Variants in INPP4A observed in about 807,000 individuals in gnomAD.
INPP4A encodes the protein inositol polyphosphate-4-phosphatase, type I, 107kD.
A neutral mutation model predicts 119.8 loss-of-function variants in INPP4A; 33 were observed. The ratio of observed to expected loss-of-function variants is 0.28; its 90% CI spans 0.21 to 0.37. The LOEUF is 0.37. Among genes scored for constraint, INPP4A ranks in the 10% least tolerant of loss-of-function variants. The probability of loss-of-function intolerance (pLI) is 1.00; values close to 1 mark genes in which losing one functional copy is unlikely to be tolerated. For synonymous variants in INPP4A, 496 were observed against 500.7 expected (o/e 0.99, Z 0.12); for missense variants, 956 against 1,289.9 (o/e 0.74, Z 3.97).
In INPP4A at chr2:98,451,638, C is replaced by T. The variant is rs750184881; in HGVS notation, c.-166+6553C>T. Among the ~76,000 whole-genome samples the T allele has an allele frequency of 4.6e-5, 7 of 152,242 alleles. No homozygotes were observed. In the South Asian group the frequency reaches 8.3e-4, roughly 18 times the overall value. Reference sequence around the variant, plus strand: ...TTTCCTGCCCCTCCCATAGCCCTCACGCAGGTGGTGTCAGCTGCTGTTATG... The same window carrying T: ...TTTCCTGCCCCTCCCATAGCCCTCATGCAGGTGGTGTCAGCTGCTGTTATG... On this transcript the variant is annotated intron_variant, in intron 1 of 24. Coordinates refer to ENST00000409851, the MANE Select transcript of INPP4A (RefSeq NM_001134225.2).
intron 4 of INPP4A, among the ~76,000 whole-genome samples, chr2:98,528,268 TAA>T (rs1288770645): frequency 6.6e-6 from 1 of 151,812 alleles, no homozygotes; most frequent in Non-Finnish European, 1.5e-5. Flanking sequence ...AAAAATTCAT[TAA>T]GAGAGGCTCA....
chr2:98,550,607 T>C (rs1354526477), intron 13 of INPP4A, among the ~76,000 whole-genome samples: 1 of 152,208 alleles, frequency 6.6e-6, no homozygotes, highest in Non-Finnish European at 1.5e-5. Context: ...CTAGGCTTCA[T>C]GTCTACACCT....
intron 1 of INPP4A, among the ~76,000 whole-genome samples, chr2:98,505,354 G>C (rs1471334612): frequency 2.0e-5 from 3 of 152,236 alleles, no homozygotes; most frequent in Admixed American, 1.3e-4. Context: ...GCTGACCTTG[G>C]TGGAGGCTTG....
chr2:98,469,660 C>T (rs997289227), intron 1 of INPP4A, among the ~76,000 whole-genome samples: 4 of 151,602 alleles, frequency 2.6e-5, no homozygotes, highest in East Asian at 2.0e-4. Flanking sequence ...AAAAATTAGC[C>T]GGGCGTTGGG....
At chr2:98,486,491 G>A (rs761588543) in intron 1 of INPP4A, among the ~76,000 whole-genome samples, 32 of 152,282 alleles carry the variant, frequency 2.1e-4, no homozygotes, top group South Asian at 1.9e-3. Context: ...CCAAAGCAGC[G>A]ATGCATCTGA....
At chr2:98,457,345 C>T (rs1282820407) in intron 1 of INPP4A, among the ~76,000 whole-genome samples, 2 of 152,164 alleles carry the variant, frequency 1.3e-5, no homozygotes, top group East Asian at 3.8e-4. Flanking sequence ...ATTGCATGAG[C>T]CCAGGAGTTT....
chr2:98,446,702 A>G (rs1043274538), intron 1 of INPP4A, among the ~76,000 whole-genome samples: 1 of 152,088 alleles, frequency 6.6e-6, no homozygotes, highest in Non-Finnish European at 1.5e-5. Context: ...TACTTTTTTC[A>G]TTTAGATTAT....
chr2:98,540,546 A>C (rs72821951), intron 10 of INPP4A, among the ~76,000 whole-genome samples: 39,599 of 152,196 alleles, frequency 0.26, 5,198 homozygotes, highest in Middle Eastern at 0.35. Context: ...ATGCCAGAGA[A>C]TGAGTAACTT....
chr2:98,560,328 T>G (rs1695236112), intron 17 of INPP4A, among the ~76,000 whole-genome samples: 1 of 152,232 alleles, frequency 6.6e-6, no homozygotes, highest in Admixed American at 6.5e-5. Flanking sequence ...ATGTCTAGAA[T>G]GTAGCGAGTC....
Position 98,447,433 on chromosome 2 carries a change from C to T in INPP4A, c.-166+2348C>T, listed in dbSNP as rs143982607. Among the ~76,000 whole-genome samples, 51 of 152,108 alleles carry T rather than the reference C, an allele frequency of 3.4e-4. 1 individual carries two copies. The highest frequency in any genetic ancestry group is 1.2e-3 in the African/African-American group (48 of 41,492). ...CATATTTTGAGGAGACCAATATTAA[C>T]GCCCATGCAGGCTTGCTTCATTTTG... On this transcript the variant is annotated intron_variant, in intron 1 of 24. Transcript: ENST00000409851.
Position 98,534,131 on chromosome 2 carries a change from G to A in INPP4A, c.270+636G>A, listed in dbSNP as rs1172196460. ...TTCTTCTTCACCAGTTGTGCATTTTGGAAGCTAGCCCACCCTTTCAGTCTC... is the reference window on the plus strand; with the variant it reads ...TTCTTCTTCACCAGTTGTGCATTTTAGAAGCTAGCCCACCCTTTCAGTCTC... On this transcript the variant is annotated intron_variant, in intron 5 of 24. Transcript: ENST00000409851. 2.6e-5 allele frequency among the ~76,000 whole-genome samples: 4 copies of A among 152,348 alleles called. No individual in the cohort carries two copies. The East Asian group carries it at 7.7e-4, about 29-fold the overall frequency.
chr2:98,565,835 A>T, intron 20 of INPP4A, 69 bp downstream of exon 20: 1 of 1,574,390 alleles, frequency 6.4e-7, no homozygotes, highest in Non-Finnish European at 8.6e-7. Context: ...CAGGGAAGGT[A>T]CTCTTCTGAA....
intron 1 of INPP4A, among the ~76,000 whole-genome samples, chr2:98,459,320 T>G (rs1191299467): frequency 2.6e-5 from 4 of 152,102 alleles, no homozygotes; most frequent in Non-Finnish European, 5.9e-5. Context: ...AGGGTAGAGT[T>G]CAGGGAGCTA....
At position 98,593,454 on chromosome 2, in the gene INPP4A, G is replaced by A. The variant is rs1028685505; in HGVS notation, c.*5846G>A. 6.6e-6 allele frequency: 1 copy of A among 152,392 alleles called. No individual in the cohort carries two copies. Among genetic ancestry groups the A allele is most frequent in the African/African-American group, 2.4e-5 (1 of 41,438 alleles). The allele number at this position is 152,392 out of a possible 1,614,324, so 9.4% of individuals were successfully genotyped here. A position where few individuals can be genotyped will look rare whatever the true frequency, so the allele number is the denominator to read the frequency against. ...TTGCCCACCACCTGCCACTAATGGC[G>A]TGGTGTTCTCCTGGGTTCCCTTTCT... On this transcript the variant is annotated 3_prime_UTR_variant, in exon 25 of 25. Transcript: ENST00000409851.
At chr2:98,498,248 T>TG (rs763447508) in intron 1 of INPP4A, among the ~76,000 whole-genome samples, 1 of 151,974 alleles carries the variant, frequency 6.6e-6, no homozygotes, top group Admixed American at 6.6e-5. Flanking sequence ...AACTGAATCA[T>TG]GGGGGGTGGA....
At chr2:98,447,864 G>A (rs1196247640) in intron 1 of INPP4A, among the ~76,000 whole-genome samples, 2 of 151,902 alleles carry the variant, frequency 1.3e-5, no homozygotes, top group Non-Finnish European at 2.9e-5. Flanking sequence ...TGGCTAACAC[G>A]GTGAAACCCT....
At chr2:98,562,051 G>T (rs780212837) in intron 17 of INPP4A, among the ~76,000 whole-genome samples, 4 of 152,242 alleles carry the variant, frequency 2.6e-5, no homozygotes, top group Non-Finnish European at 5.9e-5. Context: ...GGCCTTGCCT[G>T]TGGTCACCTC....
intron 1 of INPP4A, among the ~76,000 whole-genome samples, chr2:98,452,516 G>C (rs1211004807): frequency 1.3e-5 from 2 of 152,312 alleles, no homozygotes; most frequent in African/African-American, 2.4e-5. Flanking sequence ...CTTTTCCTGA[G>C]GACCGGGGAG....
In INPP4A at chr2:98,588,110, T is replaced by C. The variant is rs1342803631; in HGVS notation, c.*502T>C. On this transcript the variant is annotated 3_prime_UTR_variant, in exon 25 of 25. Coordinates refer to ENST00000409851, the MANE Select transcript of INPP4A (RefSeq NM_001134225.2). ...TTTGGGGAAAGAAGCTAGCACTATC[T>C]CATGCAGTGAGAATAACGGGTTCTA... The C allele has an allele frequency of 1.4e-5, 3 of 212,564 alleles. No individual in the cohort carries two copies. Among genetic ancestry groups the C allele is most frequent in the Non-Finnish European group, 2.9e-5 (3 of 105,116 alleles). The allele number at this position is 212,564 out of a possible 1,614,324, so 13.2% of individuals were successfully genotyped here.
Sources: gnomAD v4.1 joint callset for allele counts (sites outside exome capture counted in the v4.1 genomes callset) on GRCh38, gnomAD v4.1.1 for gene constraint, MANE v1.5 for transcripts, NCBI Gene and HGNC (gene_info 2026-07-23, HGNC 2026-07-21) for gene names.